Variants in GAREM1 observed in about 807,000 individuals in gnomAD.
GAREM1 encodes GRB2-associated and regulator of MAPK protein 1.
GAREM1 carries 26 observed loss-of-function variants against 71.3 expected under a neutral mutation model. The ratio of observed to expected loss-of-function variants is 0.36; its 90% CI spans 0.27 to 0.51. The LOEUF is 0.51. Ranked by LOEUF, GAREM1 falls within the 20% of genes least tolerant of loss-of-function variation. GAREM1 has a pLI of 0.95. For synonymous variants in GAREM1, 440 were observed against 433.2 expected (o/e 1.02, Z -0.20); for missense variants, 1,026 against 1,103.1 (o/e 0.93, Z 0.99).
At chr18:32,269,046 T>C (rs2041418325) in intron 5 of GAREM1, among the ~76,000 whole-genome samples, 1 of 152,222 alleles carries the variant, frequency 6.6e-6, no homozygotes, top group African/African-American at 2.4e-5. Context: ...CCTGGATCTT[T>C]ATGATGAGGA....
rs552347065 is a variant in GAREM1 at position 32,464,069 on chromosome 18, T to C, written c.121+6239A>G. Among the ~76,000 whole-genome samples the C allele has an allele frequency of 4.7e-5, 7 of 149,086 alleles. No homozygotes were observed. The East Asian group carries it at 8.0e-4, about 17-fold the overall frequency. ...TTGAGAGGCCAAGGCAGGCAGATGATCATTTGAGGTCAGGAGTTCAAGACC... is the reference window on the plus strand; with the variant it reads ...TTGAGAGGCCAAGGCAGGCAGATGACCATTTGAGGTCAGGAGTTCAAGACC... On this transcript the variant is annotated intron_variant, in intron 1 of 5. Transcript: ENST00000269209.
At chr18:32,363,618 T>C (rs1239509816) in intron 2 of GAREM1, among the ~76,000 whole-genome samples, 5 of 152,184 alleles carry the variant, frequency 3.3e-5, no homozygotes, top group Non-Finnish European at 7.3e-5. Flanking sequence ...CTGAAAATTC[T>C]GCAAATTTTC....
chr18:32,365,867 T>G (rs2047924819), intron 2 of GAREM1, among the ~76,000 whole-genome samples: 1 of 152,144 alleles, frequency 6.6e-6, no homozygotes, highest in Non-Finnish European at 1.5e-5. Flanking sequence ...ATACATTTCA[T>G]AAGTAAAAGT....
intron 1 of GAREM1, among the ~76,000 whole-genome samples, chr18:32,463,941 CA>C (rs1215231350): frequency 1.7e-5 from 2 of 116,096 alleles, no homozygotes; most frequent in Non-Finnish European, 3.5e-5. Context: ...ACTATAGGTA[CA>C]AAAAAATGAT....
chr18:32,393,189 T>G (rs1276008675), intron 1 of GAREM1, among the ~76,000 whole-genome samples, 154 bp from the exon 2 acceptor site: 1 of 152,014 alleles, frequency 6.6e-6, no homozygotes, highest in African/African-American at 2.4e-5. Flanking sequence ...TGTTTTTTTT[T>G]TTTTTTTAAA....
rs574225401 is a variant in GAREM1, at chr18:32,275,609, G to A, written c.1567-5226C>T. Among the ~76,000 whole-genome samples the A allele has an allele frequency of 7.9e-5, 12 of 152,240 alleles. No individual in the cohort carries two copies. The South Asian group carries it at 2.1e-3, about 26-fold the overall frequency. On this transcript the variant is annotated intron_variant, in intron 4 of 5. Transcript: ENST00000269209. Reference sequence around the variant, plus strand: ...AGCCTCGCTTCCTGAGCAATTCCCCGGCCTAAAGCTTTTCTTCCCAGCTGC... The same window carrying A: ...AGCCTCGCTTCCTGAGCAATTCCCCAGCCTAAAGCTTTTCTTCCCAGCTGC...
intron 3 of GAREM1, among the ~76,000 whole-genome samples, 185 bp from the exon 4 acceptor site, chr18:32,288,388 AGAT>A (rs1185143461): frequency 6.6e-6 from 1 of 152,186 alleles, no homozygotes; most frequent in East Asian, 1.9e-4. Flanking sequence ...TATTTGTTCA[AGAT>A]GATATTAGTT....
rs922264851 is a variant in GAREM1 at position 32,264,549 on chromosome 18, G to A, written c.*3322C>T. ...GCATGTGTCTGAGAACAGTTGGAAC[G>A]GACTGTCATAATATTTCCCATAAGA... On this transcript the variant is annotated 3_prime_UTR_variant, in exon 6 of 6. Coordinates refer to ENST00000269209, the MANE Select transcript of GAREM1 (RefSeq NM_001242409.2). 4.6e-5 allele frequency: 7 copies of A among 152,150 alleles called. No individual in the cohort carries two copies. Among genetic ancestry groups the A allele is most frequent in the Non-Finnish European group, 7.4e-5 (5 of 68,022 alleles). 9.4% of individuals were successfully genotyped at this position (152,150 alleles called of 1,614,324 possible). A position where few individuals can be genotyped will look rare whatever the true frequency, so the allele number is the denominator to read the frequency against.
chr18:32,415,027 C>A (rs1159809463), intron 1 of GAREM1, among the ~76,000 whole-genome samples: 1 of 151,948 alleles, frequency 6.6e-6, no homozygotes, highest in Non-Finnish European at 1.5e-5. Context: ...GGAGATATTA[C>A]AACTGATACC....
intron 1 of GAREM1, among the ~76,000 whole-genome samples, chr18:32,395,182 C>T (rs181289297): frequency 1.1e-4 from 16 of 152,312 alleles, no homozygotes; most frequent in Non-Finnish European, 2.2e-4. Context: ...CATCTCTCTC[C>T]TGCTCTTCCA....
At chr18:32,356,072 A>G (rs2047801878) in intron 2 of GAREM1, among the ~76,000 whole-genome samples, 1 of 152,160 alleles carries the variant, frequency 6.6e-6, no homozygotes, top group Non-Finnish European at 1.5e-5. Flanking sequence ...CTTTCATCTT[A>G]GGCAACTAAA....
chr18:32,265,949 G>C lies in GAREM1; in HGVS notation c.*1922C>G, dbSNP rs2041367601. On this transcript the variant is annotated 3_prime_UTR_variant, in exon 6 of 6. Transcript: ENST00000269209. ...GGGAGGCAGTCCCCCTCACACAGAA[G>C]GATGCTTTCAAAACACGAAAGCTTC... 6.6e-6 allele frequency: 1 copy of C among 152,136 alleles called. No homozygotes were observed. Among genetic ancestry groups the C allele is most frequent in the African/African-American group, 2.4e-5 (1 of 41,432 alleles). 9.4% of individuals were successfully genotyped at this position (152,136 alleles called of 1,614,324 possible). A position where few individuals can be genotyped will look rare whatever the true frequency, so the allele number is the denominator to read the frequency against.
chr18:32,351,637 TA>T (rs1360764768), intron 2 of GAREM1, among the ~76,000 whole-genome samples: 2 of 151,578 alleles, frequency 1.3e-5, no homozygotes, highest in Non-Finnish European at 2.9e-5. Context: ...ACCTGGTTAA[TA>T]AATATTCTAA....
chr18:32,379,782 G>A (rs2048076699), intron 2 of GAREM1, among the ~76,000 whole-genome samples: 1 of 151,954 alleles, frequency 6.6e-6, no homozygotes, highest in Non-Finnish European at 1.5e-5. Context: ...GGGGGGCTGA[G>A]GAAGCTGAGT....
At chr18:32,357,772 T>C (rs960696218) in intron 2 of GAREM1, among the ~76,000 whole-genome samples, 7 of 152,210 alleles carry the variant, frequency 4.6e-5, no homozygotes, top group African/African-American at 7.2e-5. Flanking sequence ...TGCTTCCTTA[T>C]ACTAAACATA....
At chr18:32,451,994 T>C (rs796709632) in intron 1 of GAREM1, among the ~76,000 whole-genome samples, 6 of 152,226 alleles carry the variant, frequency 3.9e-5, no homozygotes, top group African/African-American at 1.4e-4. Context: ...AAAATTAGAG[T>C]TAAATCAAGT....
Position 32,268,678 on chromosome 18 carries a change from CA to C in GAREM1, c.1823del (p.Leu608ArgfsTer101). 1 of 1,614,140 alleles carries C rather than the reference CA, an allele frequency of 6.2e-7. No homozygotes were observed. Among genetic ancestry groups the C allele is most frequent in the Non-Finnish European group, 8.5e-7 (1 of 1,180,014 alleles). ...CAGAAGGACTTCCAAACGGGGATTT[CA>C]GGTCCACAGAATCAGTTTTCACTCG... ...CNRVKTDSVDLKSPFGSPSAE... is the reference protein window; with the variant it reads ...CNRVKTDSVDXKSPFGSPSAE... On this transcript the variant is annotated frameshift_variant, in exon 6 of 6. Transcript: ENST00000269209. LOFTEE classifies it high-confidence loss of function.
In GAREM1 at chr18:32,288,176, T is replaced by G; in HGVS notation, c.421A>C (p.Thr141Pro). ...CACAGGGTGATGTTGTAAACTTCAG[T>G]GTCTTCATTGCATTCACCTGAAGCA... is the stretch of plus-strand genomic sequence containing the variant. ...KVASGECNED[T>P]EVYNITLCTG... is the part of the protein sequence containing the mutation. The change falls in exon 4 of 6, where the codon ACT becomes CCT. Residue 141 changes from threonine (T) to proline (P), a missense_variant. By Grantham distance (38) the Thr-to-Pro change is conservative. Transcript: ENST00000269209. 6.2e-7 allele frequency: 1 copy of G among 1,610,498 alleles called. No individual in the cohort carries two copies. Among genetic ancestry groups the G allele is most frequent in the Non-Finnish European group, 8.5e-7 (1 of 1,177,992 alleles).
chr18:32,397,287 A>C (rs561903252), intron 1 of GAREM1, among the ~76,000 whole-genome samples: 1 of 152,334 alleles, frequency 6.6e-6, no homozygotes, highest in African/African-American at 2.4e-5. Flanking sequence ...GACAGGATCA[A>C]ATTCACATAC....
Sources: allele counts gnomAD v4.1 joint callset (sites outside exome capture counted in the v4.1 genomes callset), GRCh38; gene constraint gnomAD v4.1.1; transcripts MANE v1.5; gene names NCBI Gene and HGNC (gene_info 2026-07-23, HGNC 2026-07-21).